RNF130: variants seen among roughly 807,000 people sequenced by gnomAD.
The protein encoded by RNF130 is E3 ubiquitin-protein ligase RNF130.
A neutral mutation model predicts 44.6 loss-of-function variants in RNF130; 21 were observed. That is an observed-to-expected ratio of 0.47 (90% CI 0.33 to 0.68). The LOEUF (loss-of-function observed/expected upper bound fraction) is 0.68, where lower values mean the gene tolerates loss of function less well. Among genes scored for constraint, RNF130 ranks in the 30% least tolerant of loss-of-function variants. The pLI is 0.02. For missense variants in RNF130, 479 were observed against 560.6 expected, an observed-to-expected ratio of 0.85 and a Z score of 1.47; for synonymous variants, 214 against 210.4, an observed-to-expected ratio of 1.02 and a Z score of -0.15.
chr5:179,951,623 C>G (rs1196084492), downstream of RNF130, among the ~76,000 whole-genome samples: 1 of 152,126 alleles, frequency 6.6e-6, no homozygotes, highest in Non-Finnish European at 1.5e-5. Flanking sequence ...TATGTACATT[C>G]TTAAGTGCAC....
intron 2 of RNF130, among the ~76,000 whole-genome samples, chr5:180,018,723 A>AGG (rs1763799805): frequency 1.3e-5 from 2 of 152,208 alleles, no homozygotes; most frequent in South Asian, 4.1e-4. Flanking sequence ...CCCCCTGCCC[A>AGG]CTGCTCAGAA....
intron 3 of RNF130, among the ~76,000 whole-genome samples, chr5:180,009,200 A>G (rs1763528921): frequency 6.6e-6 from 1 of 152,210 alleles, no homozygotes; most frequent in South Asian, 2.1e-4. Flanking sequence ...GGATAAGTAA[A>G]GAATTTTTAG....
chr5:180,061,025 T>A (rs1382715877), intron 1 of RNF130, among the ~76,000 whole-genome samples: 1 of 132,892 alleles, frequency 7.5e-6, no homozygotes, highest in African/African-American at 3.0e-5. Context: ...GAGCCAAGAT[T>A]GTCCCACTGC....
chr5:180,049,880 T>G (rs1764650184), intron 1 of RNF130, among the ~76,000 whole-genome samples: 1 of 152,172 alleles, frequency 6.6e-6, no homozygotes. Flanking sequence ...TTTCCTCATC[T>G]ATATATTCAA....
At chr5:180,071,381 G>A (rs965137736) in intron 1 of RNF130, 75 bp downstream of exon 1, 3 of 1,214,882 alleles carry the variant, frequency 2.5e-6, no homozygotes, top group Non-Finnish European at 3.1e-6. Flanking sequence ...GCCAGAGCCG[G>A]GGCCGGGAAC....
At chr5:179,930,497 G>GT (rs1373177626) in intron 7 of RNF130, among the ~76,000 whole-genome samples, 1 of 152,194 alleles carries the variant, frequency 6.6e-6, no homozygotes, top group East Asian at 1.9e-4. Context: ...AAGAGTGACA[G>GT]TTTCATTCTT....
chr5:180,000,741 T>A (rs1763315675), intron 3 of RNF130, among the ~76,000 whole-genome samples: 1 of 152,262 alleles, frequency 6.6e-6, no homozygotes, highest in Non-Finnish European at 1.5e-5. Flanking sequence ...TGATTCTTAC[T>A]TCTCTTTTAT....
intron 1 of RNF130, among the ~76,000 whole-genome samples, chr5:180,053,229 C>T (rs947583640): frequency 6.6e-6 from 1 of 152,032 alleles, no homozygotes; most frequent in Non-Finnish European, 1.5e-5. Flanking sequence ...CAGAAGAGAT[C>T]TCACCCCTCC....
chr5:180,034,113 G>A (rs1295189654), intron 2 of RNF130, among the ~76,000 whole-genome samples: 1 of 146,824 alleles, frequency 6.8e-6, no homozygotes, highest in Non-Finnish European at 1.5e-5. Flanking sequence ...TTTAAATCAT[G>A]ATGGGTACTG....
intron 1 of RNF130, among the ~76,000 whole-genome samples, chr5:180,041,748 T>C (rs1162561637): frequency 1.3e-5 from 2 of 152,108 alleles, no homozygotes; most frequent in Admixed American, 6.5e-5. Flanking sequence ...ACACAGCGCA[T>C]GGATCTAAAA....
intron 1 of RNF130, among the ~76,000 whole-genome samples, chr5:180,058,494 G>C (rs1187764875): frequency 6.6e-6 from 1 of 152,204 alleles, no homozygotes; most frequent in Non-Finnish European, 1.5e-5. Flanking sequence ...ACAGAAAGTA[G>C]AGTGGTGTTC....
chr5:180,040,320 C>T lies in RNF130; in HGVS notation c.442+133G>A, dbSNP rs1266842290. Reference sequence around the variant, plus strand: ...TCAACTATGGGGAAAAAACATGCATCCCAACAAACAAATGGCAATACTAAT... The same window carrying T: ...TCAACTATGGGGAAAAAACATGCATTCCAACAAACAAATGGCAATACTAAT... On this transcript the variant is annotated intron_variant, in intron 2 of 8. Coordinates refer to ENST00000521389, the MANE Select transcript of RNF130 (RefSeq NM_018434.6). 3.7e-6 allele frequency: 3 copies of T among 802,370 alleles called. No individual in the cohort carries two copies. The South Asian group carries it at 6.1e-5, about 16-fold the overall frequency. 49.7% of individuals were successfully genotyped at this position (802,370 alleles called of 1,614,324 possible). A position where few individuals can be genotyped will look rare whatever the true frequency, so the allele number is the denominator to read the frequency against.
At chr5:180,023,970 G>A (rs1763931160) in intron 2 of RNF130, among the ~76,000 whole-genome samples, 1 of 152,208 alleles carries the variant, frequency 6.6e-6, no homozygotes, top group African/African-American at 2.4e-5. Flanking sequence ...CACACTGATA[G>A]CACATAAACT....
intron 6 of RNF130, among the ~76,000 whole-genome samples, chr5:179,970,028 T>C (rs1339322309): frequency 6.6e-6 from 1 of 152,022 alleles, no homozygotes; most frequent in Non-Finnish European, 1.5e-5. Context: ...TGGCGGTGTA[T>C]GCCTGTAGTC....
At chr5:180,048,519 T>G (rs1291712392) in intron 1 of RNF130, among the ~76,000 whole-genome samples, 3 of 152,250 alleles carry the variant, frequency 2.0e-5, no homozygotes, top group African/African-American at 7.2e-5. Context: ...ATGCCTGTAA[T>G]CCCAGCACTT....
intron 3 of RNF130, among the ~76,000 whole-genome samples, chr5:179,989,321 G>A (rs1018963096): frequency 1.3e-5 from 2 of 152,086 alleles, no homozygotes; most frequent in African/African-American, 2.4e-5. Context: ...TTTGGGTGGC[G>A]ACACAGCCAA....
At chr5:179,928,044 A>G (rs1345923150) in intron 7 of RNF130, among the ~76,000 whole-genome samples, 1 of 152,176 alleles carries the variant, frequency 6.6e-6, no homozygotes, top group Non-Finnish European at 1.5e-5. Flanking sequence ...TCACCGCCGC[A>G]TCATGTTCCA....
At chr5:179,980,271 A>C in intron 3 of RNF130, 71 bp from the exon 4 acceptor site, 1 of 1,391,852 alleles carries the variant, frequency 7.2e-7, no homozygotes, top group Non-Finnish European at 1.0e-6. Flanking sequence ...TTTTTAAGCA[A>C]TTAAAAGTAT....
At chr5:179,983,203 A>G (rs1436695167) in intron 3 of RNF130, among the ~76,000 whole-genome samples, 1 of 152,166 alleles carries the variant, frequency 6.6e-6, no homozygotes, top group Non-Finnish European at 1.5e-5. Context: ...CTCTAGTATC[A>G]TATTAAGGAA....
Sources: gnomAD v4.1 joint callset for allele counts (sites outside exome capture counted in the v4.1 genomes callset) on GRCh38, gnomAD v4.1.1 for gene constraint, MANE v1.5 for transcripts, NCBI Gene and HGNC (gene_info 2026-07-23, HGNC 2026-07-21) for gene names.